The following CD109 variants were observed in gnomAD, a reference collection of about 807,000 sequenced individuals.
The protein encoded by CD109 is CD109 molecule.
A neutral mutation model predicts 165.8 loss-of-function variants in CD109; 149 were observed. The observed-to-expected ratio is 0.90, with a 90% CI of 0.79 to 1.03. The LOEUF (loss-of-function observed/expected upper bound fraction) is 1.03. CD109 is among the 50% of genes least tolerant of loss of function. CD109 has a pLI of 0.00. For missense variants in CD109, 1,712 were observed against 1,677.8 expected (o/e 1.02, Z -0.36); for synonymous variants, 585 against 592.1 (o/e 0.99, Z 0.18).
chr6:73,741,113 T>A (rs1772766854), intron 5 of CD109, among the ~76,000 whole-genome samples: 1 of 151,578 alleles, frequency 6.6e-6, no homozygotes, highest in Non-Finnish European at 1.5e-5. Flanking sequence ...TTTTTTTTTT[T>A]ACAATGCTAG....
chr6:73,794,635 T>C (rs537425671), intron 23 of CD109, among the ~76,000 whole-genome samples: 1 of 152,252 alleles, frequency 6.6e-6, no homozygotes, highest in Non-Finnish European at 1.5e-5. Flanking sequence ...CAATGCAGTG[T>C]ATGAGATCAC....
intron 23 of CD109, among the ~76,000 whole-genome samples, chr6:73,797,544 A>C (rs1026143603): frequency 6.7e-6 from 1 of 149,684 alleles, no homozygotes; most frequent in Non-Finnish European, 1.5e-5. Flanking sequence ...AAGTAAACAA[A>C]TTCATAATGA....
intron 25 of CD109, 81 bp from the exon 26 acceptor site, chr6:73,808,002 C>A: frequency 1.6e-6 from 2 of 1,254,996 alleles, no homozygotes; most frequent in East Asian, 2.4e-5. Context: ...TTTTTAAATG[C>A]ATGTTTCAAA....
intron 3 of CD109, among the ~76,000 whole-genome samples, chr6:73,725,504 C>CTTTTTTTTTTGT (rs1772102755): frequency 1.1e-5 from 1 of 89,440 alleles, no homozygotes; most frequent in African/African-American, 4.8e-5. Context: ...TACTACACTT[C>CTTTTTTTTTTGT]TTTTTTTTTT....
intron 1 of CD109, 69 bp downstream of exon 1, chr6:73,696,358 G>A: frequency 7.8e-7 from 1 of 1,274,264 alleles, no homozygotes. Context: ...TCTGGGCCAG[G>A]GCTTCGGGGA....
intron 2 of CD109, 71 bp downstream of exon 2, chr6:73,697,643 A>C (rs1021110472): frequency 7.1e-7 from 1 of 1,412,548 alleles, no homozygotes; most frequent in Non-Finnish European, 9.7e-7. Flanking sequence ...GTCATGTGTT[A>C]GGTAGTATAG....
At chr6:73,761,723 A>G (rs1361325706) in intron 7 of CD109, among the ~76,000 whole-genome samples, 1 of 151,920 alleles carries the variant, frequency 6.6e-6, no homozygotes, top group Non-Finnish European at 1.5e-5. Flanking sequence ...GGGTTTCACC[A>G]TCTTGGCCAG....
rs938851859 is a variant in CD109 at position 73,822,286 on chromosome 6, C to G, written c.4163-1172C>G. 5.9e-5 allele frequency among the ~76,000 whole-genome samples: 9 copies of G among 152,280 alleles called. No homozygotes were observed. In the East Asian group the frequency reaches 1.5e-3, roughly 26 times the overall value. ...GTGGTGGCTCAGAATCATCACAATG[C>G]ATGAGAAGCATGAACATTTTTGTGT... On this transcript the variant is annotated intron_variant, in intron 32 of 32. Coordinates refer to ENST00000287097, the MANE Select transcript of CD109 (RefSeq NM_133493.5).
chr6:73,721,490 G>A (rs890474971), intron 2 of CD109, among the ~76,000 whole-genome samples: 6 of 148,244 alleles, frequency 4.0e-5, no homozygotes, highest in African/African-American at 1.0e-4. Flanking sequence ...TCAGCCTCCC[G>A]AGTAGCTAGG....
intron 5 of CD109, among the ~76,000 whole-genome samples, chr6:73,756,194 T>C (rs551805930): frequency 1.4e-3 from 215 of 152,366 alleles, no homozygotes; most frequent in Non-Finnish European, 2.6e-3. Context: ...TAATTATTTA[T>C]AAGTATTTGA....
intron 17 of CD109, among the ~76,000 whole-genome samples, chr6:73,782,216 T>A (rs1774534775): frequency 6.6e-6 from 1 of 152,196 alleles, no homozygotes; most frequent in Non-Finnish European, 1.5e-5. Flanking sequence ...AATTTTATAG[T>A]CTTGAAGATG....
At chr6:73,679,457 C>T in the CD109 span, among the ~76,000 whole-genome samples, 7 of 151,436 alleles carry the variant, frequency 4.6e-5, no homozygotes, top group African/African-American at 1.2e-4. Flanking sequence ...ACAATTAAAA[C>T]GTCCCTAATC....
chr6:73,683,457 A>G, the CD109 span, among the ~76,000 whole-genome samples: 3 of 152,164 alleles, frequency 2.0e-5, no homozygotes, highest in African/African-American at 7.2e-5. Context: ...ATCACTATCA[A>G]TATTTTGGTC....
chr6:73,725,504 C>CTTTTTTTTT lies in CD109; in HGVS notation c.276+2238_276+2246dup, dbSNP rs386407559. On this transcript the variant is annotated intron_variant, in intron 3 of 32. Transcript: ENST00000287097. Reference sequence around the variant, plus strand: ...AACTAGAAATTTGTCTACTACACTTCTTTTTTTTTTTTTTTTTTTTTGAGA... The same window carrying CTTTTTTTTT: ...AACTAGAAATTTGTCTACTACACTTCTTTTTTTTTTTTTTTTTTTTTTTTTTTTTTGAGA... Among the ~76,000 whole-genome samples, 228 of 89,386 alleles carry CTTTTTTTTT rather than the reference C, an allele frequency of 2.6e-3. 10 individuals are homozygous for CTTTTTTTTT. Among genetic ancestry groups the CTTTTTTTTT allele is most frequent in the East Asian group, 3.7e-3 (11 of 2,962 alleles). The allele number at this position is 89,386 out of a possible 152,430, so 58.6% of individuals were successfully genotyped here. A position where few individuals can be genotyped will look rare whatever the true frequency, so the allele number is the denominator to read the frequency against.
chr6:73,764,262 T>C (rs1353581368), intron 10 of CD109, among the ~76,000 whole-genome samples: 1 of 152,190 alleles, frequency 6.6e-6, no homozygotes, highest in Non-Finnish European at 1.5e-5. Flanking sequence ...TTAAGATTAG[T>C]GTTACAAATT....
At chr6:73,736,725 A>AAAC (rs1582081171) in intron 5 of CD109, among the ~76,000 whole-genome samples, 2 of 152,308 alleles carry the variant, frequency 1.3e-5, no homozygotes, top group East Asian at 3.9e-4. Flanking sequence ...GTCTTTTTCT[A>AAAC]TGATATGATG....
chr6:73,735,993 A>G (rs1384989947), intron 4 of CD109, among the ~76,000 whole-genome samples: 5 of 152,182 alleles, frequency 3.3e-5, no homozygotes, highest in African/African-American at 1.2e-4. Context: ...TGTAGAAGGA[A>G]ATAGGGTGCC....
At chr6:73,722,662 A>G (rs1371041355) in intron 2 of CD109, among the ~76,000 whole-genome samples, 3 of 152,212 alleles carry the variant, frequency 2.0e-5, no homozygotes, top group Non-Finnish European at 4.4e-5. Flanking sequence ...GGAACTTTGG[A>G]CAAGTTCTCT....
At chr6:73,818,167 CATT>C (rs964723635) in intron 30 of CD109, among the ~76,000 whole-genome samples, 3 of 152,180 alleles carry the variant, frequency 2.0e-5, no homozygotes, top group Admixed American at 6.5e-5. Flanking sequence ...CAGATGAACA[CATT>C]GTTGTATCAT....
Sources: allele counts gnomAD v4.1 joint callset (sites outside exome capture counted in the v4.1 genomes callset), GRCh38; gene constraint gnomAD v4.1.1; transcripts MANE v1.5; gene names NCBI Gene and HGNC (gene_info 2026-07-23, HGNC 2026-07-21).